Variants in ZNF267 observed in about 807,000 individuals in gnomAD.
The protein encoded by ZNF267 is zinc finger protein 267.
Under a neutral mutation model 71.6 loss-of-function variants are expected in ZNF267, and 61 were observed. The observed-to-expected ratio is 0.85, with a 90% CI of 0.69 to 1.05. The LOEUF (loss-of-function observed/expected upper bound fraction) is 1.05, where lower values mean the gene tolerates loss of function less well. ZNF267 is among the 50% of genes least tolerant of loss of function. The pLI, the probability that ZNF267 is intolerant of heterozygous loss-of-function variation, is 0.00. For missense variants in ZNF267, 852 were observed against 870.0 expected, an observed-to-expected ratio of 0.98 and a Z score of 0.26; for synonymous variants, 288 against 293.2, an observed-to-expected ratio of 0.98 and a Z score of 0.18.
At chr16:31,880,174 G>A (rs562766198) in intron 1 of ZNF267, among the ~76,000 whole-genome samples, 16 of 152,344 alleles carry the variant, frequency 1.1e-4, no homozygotes, top group African/African-American at 3.1e-4. Context: ...TTTCTGCATT[G>A]TGAGAGATCA....
At chr16:31,889,165 TC>T (rs1342543607) in intron 3 of ZNF267, among the ~76,000 whole-genome samples, 1 of 40,720 alleles carries the variant, frequency 2.5e-5, no homozygotes, top group East Asian at 1.8e-3. Flanking sequence ...GAGTCCTCTC[TC>T]TTTTTTTTTC....
chr16:31,877,606 G>A (rs1567470685), intron 1 of ZNF267, among the ~76,000 whole-genome samples: 1 of 152,170 alleles, frequency 6.6e-6, no homozygotes. Flanking sequence ...TTGTTAAGTA[G>A]TTTATTCTGA....
At chr16:31,874,114 G>A in intron 1 of ZNF267, 145 bp downstream of exon 1, 1 of 860,002 alleles carries the variant, frequency 1.2e-6, no homozygotes, top group South Asian at 1.7e-5. Context: ...CTCGGCCCTC[G>A]GTCCCCTCCG....
At chr16:31,905,655 C>T (rs572082731) in intron 3 of ZNF267, among the ~76,000 whole-genome samples, 24 of 152,230 alleles carry the variant, frequency 1.6e-4, no homozygotes, top group African/African-American at 5.8e-4. Context: ...TTAAGGACTT[C>T]TCTGCATTGG....
At chr16:31,906,785 C>G (rs1164118357) in intron 3 of ZNF267, among the ~76,000 whole-genome samples, 5 of 152,000 alleles carry the variant, frequency 3.3e-5, no homozygotes, top group African/African-American at 1.2e-4. Context: ...ACCCACCGTC[C>G]TGCATCCACT....
At chr16:31,897,840 G>A (rs1328770311) in intron 3 of ZNF267, among the ~76,000 whole-genome samples, 2 of 152,042 alleles carry the variant, frequency 1.3e-5, no homozygotes, top group Non-Finnish European at 2.9e-5. Context: ...TACTTTGTGT[G>A]ATTTCCATCT....
Position 31,891,705 on chromosome 16 carries a change from C to T in ZNF267, c.226+6449C>T, listed in dbSNP as rs549466578. The stretch of plus-strand genomic sequence containing the variant: ...CATGTGAGATGTGCCTTTCACCTTC[C>T]ACCATGATTGTGAGGCCTCCTCAGC... On this transcript the variant is annotated intron_variant, in intron 3 of 3. Coordinates refer to ENST00000300870, the MANE Select transcript of ZNF267 (RefSeq NM_003414.6). 7.2e-5 allele frequency among the ~76,000 whole-genome samples: 11 copies of T among 152,318 alleles called. No homozygotes were observed. The South Asian group carries it at 2.3e-3, about 32-fold the overall frequency.
intron 3 of ZNF267, among the ~76,000 whole-genome samples, chr16:31,902,789 TCTC>T (rs1049244238): frequency 3.8e-4 from 58 of 152,262 alleles, no homozygotes; most frequent in Admixed American, 1.2e-3. Flanking sequence ...TTTATTTCCT[TCTC>T]CTGCCTGATT....
chr16:31,915,931 C>T lies in ZNF267; in HGVS notation c.1682C>T (p.Ser561Leu). ...KECGKAFPYS[S>L]HLIRHHRIHT... ...TGTGGCAAAGCCTTTCCTTATAGTT[C>T]ACACCTTATTCGACATCATCGAATT... is the stretch of plus-strand genomic sequence containing the variant. Residue 561 changes from serine to leucine, a missense_variant, in exon 4 of 4, where the codon TCA (serine) becomes TTA (leucine). Transcript: ENST00000300870. 1 of 1,613,920 alleles carries T rather than the reference C, an allele frequency of 6.2e-7. No homozygotes were observed. The highest frequency in any genetic ancestry group is 2.2e-5 in the East Asian group (1 of 44,870).
At chr16:31,885,100 T>TAAAAATA in intron 2 of ZNF267, 61 bp from the exon 3 acceptor site, 7 of 1,410,038 alleles carry the variant, frequency 5.0e-6, no homozygotes, top group Non-Finnish European at 6.7e-6. Flanking sequence ...AAAAAAAGTA[T>TAAAAATA]AAAAATAAAA....
At position 31,915,544 on chromosome 16, in the gene ZNF267, G is replaced by T; in HGVS notation, c.1295G>T (p.Gly432Val). 1 of 1,613,140 alleles carries T rather than the reference G, an allele frequency of 6.2e-7. No homozygotes were observed. Among genetic ancestry groups the T allele is most frequent in the South Asian group, 1.1e-5 (1 of 90,956 alleles). Residue 432 changes from glycine to valine, a missense_variant, in exon 4 of 4, where the codon GGA (glycine) becomes GTA (valine). Physicochemically the swap from Gly to Val is moderately radical, Grantham distance 109 (BLOSUM62 -3). Transcript: ENST00000300870. ...ACTAAACATAAGCGAATTCATACTG[G>T]AGAGAAACCTTATAAATGTAAAGAA... is the stretch of plus-strand genomic sequence containing the variant. ...YLTKHKRIHT[G>V]EKPYKCKECG...
chr16:31,890,792 A>G (rs1258021038), intron 3 of ZNF267, among the ~76,000 whole-genome samples: 1 of 152,236 alleles, frequency 6.6e-6, no homozygotes, highest in Non-Finnish European at 1.5e-5. Flanking sequence ...TCCCATAAGG[A>G]CATTAATTCA....
chr16:31,898,154 T>G (rs2084013311), intron 3 of ZNF267, among the ~76,000 whole-genome samples: 2 of 152,172 alleles, frequency 1.3e-5, no homozygotes, highest in South Asian at 4.1e-4. Flanking sequence ...GCTGTGACAT[T>G]AGGTGCATAT....
chr16:31,897,329 A>C (rs906363987), intron 3 of ZNF267, among the ~76,000 whole-genome samples: 2 of 152,070 alleles, frequency 1.3e-5, no homozygotes, highest in East Asian at 1.9e-4. Context: ...TTCCCATGCA[A>C]ATTTCTAGTA....
intron 3 of ZNF267, among the ~76,000 whole-genome samples, chr16:31,901,874 C>G (rs1200427542): frequency 6.6e-6 from 1 of 152,172 alleles, no homozygotes; most frequent in African/African-American, 2.4e-5. Context: ...TTGCCCATGC[C>G]TATGTCCTGA....
chr16:31,881,593 C>G (rs1189089453), intron 1 of ZNF267, among the ~76,000 whole-genome samples: 2 of 151,988 alleles, frequency 1.3e-5, no homozygotes, highest in Non-Finnish European at 2.9e-5. Flanking sequence ...TTCTGCAGAT[C>G]CAGTAGTTGC....
chr16:31,916,634 G>C lies in ZNF267; in HGVS notation c.*153G>C. On this transcript the variant is annotated 3_prime_UTR_variant, in exon 4 of 4. Transcript: ENST00000300870. ...TACACAATAGCAGAGAATATAAACT[G>C]AAAAAATCCATACAAATATTAAAAA... 1 of 784,846 alleles carries C rather than the reference G, an allele frequency of 1.3e-6. No homozygotes were observed. The highest frequency in any genetic ancestry group is 2.0e-6 in the Non-Finnish European group (1 of 511,566). 48.6% of individuals were successfully genotyped at this position (784,846 alleles called of 1,614,324 possible).
intron 3 of ZNF267, among the ~76,000 whole-genome samples, chr16:31,897,622 T>C (rs1355848340): frequency 1.3e-5 from 2 of 152,150 alleles, no homozygotes; most frequent in Non-Finnish European, 2.9e-5. Context: ...ATTTTAATAC[T>C]TCTGCAAAGA....
chr16:31,914,513 G>A lies in ZNF267; in HGVS notation c.264G>A (p.Glu88=), dbSNP rs749087838. 12 of 1,612,758 alleles carry A rather than the reference G, an allele frequency of 7.4e-6. No homozygotes were observed. Residue 88 remains glutamate (E), a synonymous_variant, in exon 4 of 4, where the codon GAG becomes GAA. Transcript: ENST00000300870. The part of the protein sequence containing the change: ...FSHYNKDLLT[E]HCTEASFQKV... ...ATTATAACAAGGACCTGTTGACAGA[G>A]CACTGCACAGAAGCTTCATTCCAAA...
Sources: allele counts gnomAD v4.1 joint callset (sites outside exome capture counted in the v4.1 genomes callset), GRCh38; gene constraint gnomAD v4.1.1; transcripts MANE v1.5; gene names NCBI Gene and HGNC (gene_info 2026-07-23, HGNC 2026-07-21).